The following RBKS variants were observed in gnomAD, a reference collection of about 807,000 sequenced individuals.
RBKS encodes the protein ribokinase.
RBKS carries 33 observed loss-of-function variants against 33.9 expected under a neutral mutation model. The observed-to-expected ratio is 0.97, with a 90% CI of 0.74 to 1.30. The LOEUF (loss-of-function observed/expected upper bound fraction) is 1.30, where lower values mean the gene tolerates loss of function less well. Among genes scored for constraint, RBKS ranks in the 50% most tolerant of loss-of-function variants. The pLI, the probability that RBKS is intolerant of heterozygous loss-of-function variation, is 0.00. For missense variants in RBKS, 361 were observed against 392.6 expected, an observed-to-expected ratio of 0.92 and a Z score of 0.68; for synonymous variants, 125 against 143.0, an observed-to-expected ratio of 0.87 and a Z score of 0.90.
chr2:27,843,014 T>A (rs568249229), intron 5 of RBKS, 53 bp downstream of exon 5: 203 of 1,379,716 alleles, frequency 1.5e-4, no homozygotes, highest in Admixed American at 6.8e-4. Flanking sequence ...TTAACTTTAA[T>A]TAAGACAGCG....
chr2:27,783,981 T>TC (rs1558531212), intron 7 of RBKS, among the ~76,000 whole-genome samples: 1 of 76,062 alleles, frequency 1.3e-5, no homozygotes, highest in Non-Finnish European at 3.1e-5. Context: ...TTTTCTTTTT[T>TC]TTTTTTTTTT....
At chr2:27,807,706 A>T (rs894115102) in intron 7 of RBKS, among the ~76,000 whole-genome samples, 1 of 152,192 alleles carries the variant, frequency 6.6e-6, no homozygotes. Flanking sequence ...AAGGTGTGGA[A>T]GATGAGGGGG....
intron 7 of RBKS, among the ~76,000 whole-genome samples, chr2:27,792,067 T>G (rs1404162782): frequency 6.6e-6 from 1 of 152,242 alleles, no homozygotes; most frequent in Non-Finnish European, 1.5e-5. Flanking sequence ...TGACAGTTAC[T>G]TCCTGGGTTT....
intron 7 of RBKS, among the ~76,000 whole-genome samples, chr2:27,821,533 G>A (rs1369048393): frequency 4.6e-5 from 7 of 152,192 alleles, no homozygotes; most frequent in Non-Finnish European, 1.0e-4. Context: ...TTACTTTTAA[G>A]TGGATGGGTC....
At position 27,858,546 on chromosome 2, in the gene RBKS, C is replaced by T. The variant is rs377292519; in HGVS notation, c.115G>A (p.Gly39Arg). 2 of 1,613,704 alleles carry T rather than the reference C, an allele frequency of 1.2e-6. No individual in the cohort carries two copies. The highest frequency in any genetic ancestry group is 1.3e-5 in the African/African-American group (1 of 74,984). The stretch of plus-strand genomic sequence containing the variant: ...AACTTATGTCCATGGATGGTTTCTC[C>T]AGTTTTTGGCAAACGAGAAGTAAGA... ...VSLTSRLPKT[G>R]ETIHGHKFFI... The change falls in exon 2 of 8, where the codon GGA becomes AGA. Residue 39 changes from glycine (G) to arginine (R), a missense_variant. By Grantham distance (125) the Gly-to-Arg change is moderately radical. Coordinates refer to ENST00000302188, the MANE Select transcript of RBKS (RefSeq NM_022128.3).
chr2:27,786,413 G>A (rs1358017198), intron 7 of RBKS, among the ~76,000 whole-genome samples: 2 of 152,204 alleles, frequency 1.3e-5, no homozygotes, highest in African/African-American at 2.4e-5. Flanking sequence ...TGGCATTGCC[G>A]ATAGAAATCA....
chr2:27,842,696 A>G (rs1453079573), intron 5 of RBKS, among the ~76,000 whole-genome samples: 1 of 150,166 alleles, frequency 6.7e-6, no homozygotes, highest in Non-Finnish European at 1.5e-5. Flanking sequence ...CACTCTTGTC[A>G]CCCAGGCTAG....
chr2:27,839,703 G>A (rs910177362), intron 5 of RBKS, among the ~76,000 whole-genome samples: 4 of 152,108 alleles, frequency 2.6e-5, no homozygotes, highest in African/African-American at 4.8e-5. Context: ...TGATGATGAC[G>A]ATGAAGACTT....
chr2:27,813,209 A>T (rs1414734145), intron 7 of RBKS, among the ~76,000 whole-genome samples: 1 of 152,162 alleles, frequency 6.6e-6, no homozygotes, highest in Non-Finnish European at 1.5e-5. Flanking sequence ...GGATTCTCAC[A>T]GATCAAGTAC....
chr2:27,841,608 G>C (rs1171971482), intron 5 of RBKS, among the ~76,000 whole-genome samples: 1 of 152,114 alleles, frequency 6.6e-6, no homozygotes, highest in Non-Finnish European at 1.5e-5. Context: ...GTTTTGCCAA[G>C]AGGAAAATTT....
intron 1 of RBKS, among the ~76,000 whole-genome samples, chr2:27,858,839 A>C (rs1003824796): frequency 1.3e-5 from 2 of 152,316 alleles, no homozygotes; most frequent in African/African-American, 4.8e-5. Flanking sequence ...AGGGTTATTC[A>C]TGAATACTTT....
At chr2:27,880,460 G>A (rs974952126) in intron 1 of RBKS, among the ~76,000 whole-genome samples, 1 of 152,116 alleles carries the variant, frequency 6.6e-6, no homozygotes, top group Non-Finnish European at 1.5e-5. Context: ...AGGCATCCAA[G>A]TAGGAAGAGA....
chr2:27,825,543 G>A (rs759775322), intron 7 of RBKS, among the ~76,000 whole-genome samples: 7 of 152,122 alleles, frequency 4.6e-5, no homozygotes, highest in Non-Finnish European at 8.8e-5. Flanking sequence ...CTGTTTTCTT[G>A]TCAGCATCCA....
At chr2:27,843,965 T>C (rs970924013) in intron 4 of RBKS, among the ~76,000 whole-genome samples, 1 of 152,132 alleles carries the variant, frequency 6.6e-6, no homozygotes, top group Non-Finnish European at 1.5e-5. Flanking sequence ...ACATTTGAAA[T>C]GTGGCTAGTC....
At chr2:27,842,514 T>C (rs1341532456) in intron 5 of RBKS, among the ~76,000 whole-genome samples, 1 of 152,226 alleles carries the variant, frequency 6.6e-6, no homozygotes, top group Non-Finnish European at 1.5e-5. Context: ...GAGATGTTTG[T>C]CAAAAAGTAA....
At chr2:27,875,709 G>T (rs185065042) in intron 1 of RBKS, among the ~76,000 whole-genome samples, 1 of 152,250 alleles carries the variant, frequency 6.6e-6, no homozygotes, top group African/African-American at 2.4e-5. Flanking sequence ...TTTATTTAGG[G>T]CACTGAATCA....
At chr2:27,839,955 T>C (rs1325933913) in intron 5 of RBKS, among the ~76,000 whole-genome samples, 1 of 151,894 alleles carries the variant, frequency 6.6e-6, no homozygotes, top group African/African-American at 2.4e-5. Context: ...TGATTGATTA[T>C]GAATTTAAAG....
At chr2:27,841,251 A>G (rs865936512) in intron 5 of RBKS, among the ~76,000 whole-genome samples, 1 of 152,110 alleles carries the variant, frequency 6.6e-6, no homozygotes, top group Non-Finnish European at 1.5e-5. Context: ...TGGCTGCTGT[A>G]TCTTTCTCTC....
At chr2:27,871,297 G>C (rs1034470739) in intron 1 of RBKS, among the ~76,000 whole-genome samples, 1 of 152,180 alleles carries the variant, frequency 6.6e-6, no homozygotes, top group African/African-American at 2.4e-5. Flanking sequence ...AAACCCAAAA[G>C]CTTGTTTTTT....
Sources: allele counts gnomAD v4.1 joint callset (sites outside exome capture counted in the v4.1 genomes callset), GRCh38; gene constraint gnomAD v4.1.1; transcripts MANE v1.5; gene names NCBI Gene and HGNC (gene_info 2026-07-23, HGNC 2026-07-21).